The following ANK1 variants were observed in gnomAD, a reference collection of about 807,000 sequenced individuals.
The protein encoded by ANK1 is ankyrin 1, also known as ankyrin-1.
Under a neutral mutation model 210.4 loss-of-function variants are expected in ANK1, and 51 were observed. That is an observed-to-expected ratio of 0.24 (90% CI 0.19 to 0.31). ANK1 has a LOEUF of 0.31. Among genes scored for constraint, ANK1 ranks in the 10% least tolerant of loss-of-function variants. The pLI, the probability that ANK1 is intolerant of heterozygous loss-of-function variation, is 1.00. For synonymous variants in ANK1, 967 were observed against 1,025.9 expected, an observed-to-expected ratio of 0.94 and a Z score of 1.10; for missense variants, 2,051 against 2,504.4, an observed-to-expected ratio of 0.82 and a Z score of 3.86.
chr8:41,728,058 C>T (rs368654700), intron 3 of ANK1, 52 bp from the exon 4 acceptor site: 121 of 1,582,466 alleles, frequency 7.6e-5, no homozygotes, highest in Non-Finnish European at 9.6e-5. Context: ...GGGCCCGCTA[C>T]GGGACCAGCA....
chr8:41,720,549 T>C (rs892263768), intron 9 of ANK1, among the ~76,000 whole-genome samples: 5 of 152,192 alleles, frequency 3.3e-5, no homozygotes, highest in African/African-American at 1.2e-4. Context: ...GTGATTAATG[T>C]GCACCTGGTA....
chr8:41,713,455 T>G (rs1028931958), intron 16 of ANK1, among the ~76,000 whole-genome samples: 1 of 152,190 alleles, frequency 6.6e-6, no homozygotes, highest in Admixed American at 6.5e-5. Flanking sequence ...ATCTGCTCCC[T>G]CCTCTGATTC....
chr8:41,879,554 G>A (rs996755626), intron 1 of ANK1, among the ~76,000 whole-genome samples: 1 of 152,216 alleles, frequency 6.6e-6, no homozygotes, highest in Non-Finnish European at 1.5e-5. Flanking sequence ...GTAGGAAGGA[G>A]ACCAAACAAT....
intron 1 of ANK1, among the ~76,000 whole-genome samples, chr8:41,845,829 G>A (rs1043688581): frequency 2.6e-5 from 4 of 152,002 alleles, no homozygotes; most frequent in African/African-American, 9.7e-5. Context: ...TACCAAAACC[G>A]TTTTCAGCTT....
intron 20 of ANK1, among the ~76,000 whole-genome samples, chr8:41,703,438 A>G (rs1823483319): frequency 1.5e-5 from 1 of 68,534 alleles, no homozygotes; most frequent in Non-Finnish European, 2.8e-5. Context: ...ATATATATAT[A>G]TATATATATA....
intron 1 of ANK1, among the ~76,000 whole-genome samples, chr8:41,768,647 A>C (rs1842364415): frequency 6.6e-6 from 1 of 152,124 alleles, no homozygotes; most frequent in Non-Finnish European, 1.5e-5. Context: ...CAAGATTCCT[A>C]ACAATAGTGT....
At chr8:41,883,659 T>G (rs866496897) in intron 1 of ANK1, among the ~76,000 whole-genome samples, 33 of 152,142 alleles carry the variant, frequency 2.2e-4, no homozygotes, top group African/African-American at 7.2e-4. Context: ...GGGGTCTTCC[T>G]GTGTGGCCCA....
intron 1 of ANK1, among the ~76,000 whole-genome samples, chr8:41,882,723 G>A (rs1368979931): frequency 6.6e-6 from 1 of 152,204 alleles, no homozygotes; most frequent in African/African-American, 2.4e-5. Flanking sequence ...ACAGAACATC[G>A]CCAGTGCTCT....
intron 18 of ANK1, among the ~76,000 whole-genome samples, chr8:41,705,271 G>A (rs2150614634): frequency 1.3e-5 from 2 of 152,316 alleles, no homozygotes; most frequent in Middle Eastern, 6.8e-3. Context: ...ATAATGGGAT[G>A]GCTTTTGGAT....
intron 1 of ANK1, among the ~76,000 whole-genome samples, chr8:41,790,280 G>C (rs778277989): frequency 1.3e-4 from 20 of 151,870 alleles, no homozygotes; most frequent in Non-Finnish European, 2.5e-4. Context: ...CCAAGTAGCT[G>C]AGATTACAGG....
intron 39 of ANK1, chr8:41,665,062 GC>G: frequency 6.2e-7 from 1 of 1,606,776 alleles, no homozygotes. Flanking sequence ...GGCAGCCAGG[GC>G]CCCGGCCACC....
intron 2 of ANK1, among the ~76,000 whole-genome samples, chr8:41,757,487 T>C (rs1249384562): frequency 6.6e-6 from 1 of 152,156 alleles, no homozygotes; most frequent in African/African-American, 2.4e-5. Flanking sequence ...TTTTGTTTCC[T>C]CGCCAGCCCC....
intron 1 of ANK1, among the ~76,000 whole-genome samples, chr8:41,891,360 C>T (rs1819424667): frequency 6.6e-6 from 1 of 151,868 alleles, no homozygotes; most frequent in Non-Finnish European, 1.5e-5. Flanking sequence ...CTGGGGTGAG[C>T]AAAAGAAACG....
chr8:41,810,819 C>T (rs969951419), intron 1 of ANK1, among the ~76,000 whole-genome samples: 2 of 152,218 alleles, frequency 1.3e-5, no homozygotes, highest in African/African-American at 4.8e-5. Flanking sequence ...CACCTGTCTC[C>T]CCGGGAATTC....
At chr8:41,775,428 G>T (rs1174106649) in intron 1 of ANK1, among the ~76,000 whole-genome samples, 1 of 152,226 alleles carries the variant, frequency 6.6e-6, no homozygotes, top group East Asian at 1.9e-4. Flanking sequence ...CTGGAGCAAG[G>T]CTTCCCTTAC....
At chr8:41,666,793 G>A (rs534740213) in intron 39 of ANK1, among the ~76,000 whole-genome samples, 6 of 152,342 alleles carry the variant, frequency 3.9e-5, no homozygotes, top group Non-Finnish European at 8.8e-5. Context: ...GGCCTTGCAC[G>A]TGCATGCTGG....
intron 2 of ANK1, among the ~76,000 whole-genome samples, chr8:41,736,271 C>T (rs574477595): frequency 1.3e-5 from 2 of 152,340 alleles, no homozygotes; most frequent in South Asian, 4.1e-4. Context: ...AGCAATTTGT[C>T]GAGTGACCAG....
At chr8:41,736,456 A>G (rs1833433770) in intron 2 of ANK1, among the ~76,000 whole-genome samples, 1 of 152,164 alleles carries the variant, frequency 6.6e-6, no homozygotes, top group African/African-American at 2.4e-5. Context: ...GAAGCTTCCT[A>G]GTGCTGACAG....
chr8:41,672,345 A>G lies in ANK1; in HGVS notation c.5096+9T>C, dbSNP rs1419667313. 1 of 1,613,826 alleles carries G rather than the reference A, an allele frequency of 6.2e-7. No homozygotes were observed. The highest frequency in any genetic ancestry group is 2.2e-5 in the East Asian group (1 of 44,876). ...AAAAGGGACCCTGCTCCCACAGTCAAGCTCTTACCTGTCCTGACTCCTCTC... is the reference window on the plus strand; with the variant it reads ...AAAAGGGACCCTGCTCCCACAGTCAGGCTCTTACCTGTCCTGACTCCTCTC... On this transcript the variant is annotated intron_variant, in intron 38 of 42. Transcript: ENST00000289734.
Sources: allele counts gnomAD v4.1 joint callset (sites outside exome capture counted in the v4.1 genomes callset), GRCh38; gene constraint gnomAD v4.1.1; transcripts MANE v1.5; gene names NCBI Gene and HGNC (gene_info 2026-07-23, HGNC 2026-07-21).